Variants in NCOR1 observed in about 807,000 individuals in gnomAD.
NCOR1 encodes nuclear receptor corepressor 1, also known as protein phosphatase 1, regulatory subunit 109.
NCOR1 carries 63 observed loss-of-function variants against 288.1 expected under a neutral mutation model. That is an observed-to-expected ratio of 0.22 (90% CI 0.18 to 0.27). The LOEUF (loss-of-function observed/expected upper bound fraction) is 0.27. Ranked by LOEUF, NCOR1 falls within the 10% of genes least tolerant of loss-of-function variation. The pLI is 1.00. For missense variants in NCOR1, 2,397 were observed against 3,019.2 expected (o/e 0.79, Z 4.83); for synonymous variants, 1,007 against 1,065.9 (o/e 0.94, Z 1.08).
intron 19 of NCOR1, among the ~76,000 whole-genome samples, chr17:16,106,854 C>CATATATATATATATAT (rs1162344281): frequency 1.7e-4 from 8 of 46,154 alleles, no homozygotes; most frequent in East Asian, 7.4e-4. Flanking sequence ...CTTGATCAGA[C>CATATATATATATATAT]ATATATATAT....
intron 31 of NCOR1, 178 bp from the exon 32 acceptor site, chr17:16,068,299 TA>T (rs1235288007): frequency 1.2e-5 from 7 of 605,660 alleles, no homozygotes; most frequent in African/African-American, 9.3e-5. Flanking sequence ...TATGAAAATG[TA>T]AACAACTAGT....
intron 21 of NCOR1, among the ~76,000 whole-genome samples, chr17:16,095,907 T>C (rs1248372277): frequency 2.0e-5 from 3 of 151,950 alleles, no homozygotes; most frequent in East Asian, 1.9e-4. Context: ...GGGGAAAAGA[T>C]TGAGAAATCG....
intron 3 of NCOR1, among the ~76,000 whole-genome samples, chr17:16,176,714 T>G (rs2084272642): frequency 6.6e-6 from 1 of 152,098 alleles, no homozygotes; most frequent in African/African-American, 2.4e-5. Context: ...CTTCACTATT[T>G]TCTGTCACTC....
At chr17:16,212,049 G>A (rs536943152) in intron 1 of NCOR1, among the ~76,000 whole-genome samples, 3 of 152,076 alleles carry the variant, frequency 2.0e-5, no homozygotes, top group Non-Finnish European at 4.4e-5. Flanking sequence ...AGGCCAAGGC[G>A]GGTAGATCAT....
At chr17:16,206,272 A>G (rs2091488629) in intron 1 of NCOR1, among the ~76,000 whole-genome samples, 3 of 151,860 alleles carry the variant, frequency 2.0e-5, no homozygotes, top group Admixed American at 6.6e-5. Context: ...ATGCATATAC[A>G]TATGTACATG....
In NCOR1 at chr17:16,138,151, G is replaced by GTC. The variant is rs753719981; in HGVS notation, c.1407+5_1407+6dup. 1 of 1,609,122 alleles carries GTC rather than the reference G, an allele frequency of 6.2e-7. No individual in the cohort carries two copies. On this transcript the variant is annotated splice_region_variant and intron_variant, in intron 13 of 45. Transcript: ENST00000268712. The stretch of plus-strand genomic sequence containing the variant: ...TACAAACACTCCCAATGCAAACCAT[G>GTC]TCTTACCTTCCTCTCCAAGTATGAT...
chr17:16,174,910 G>A (rs2083812875), intron 3 of NCOR1, among the ~76,000 whole-genome samples: 1 of 151,646 alleles, frequency 6.6e-6, no homozygotes, highest in South Asian at 2.1e-4. Flanking sequence ...TAACAGAAAG[G>A]AAAATATACG....
At chr17:16,178,589 A>G (rs575179329) in intron 3 of NCOR1, among the ~76,000 whole-genome samples, 8 of 152,054 alleles carry the variant, frequency 5.3e-5, no homozygotes, top group African/African-American at 1.9e-4. Context: ...CAATAATGCT[A>G]CTTTAACAAT....
chr17:16,136,598 G>A (rs1972503), intron 14 of NCOR1, among the ~76,000 whole-genome samples: 68,267 of 151,812 alleles, frequency 0.45, 16,337 homozygotes, highest in Middle Eastern at 0.58. Flanking sequence ...TGGAAGTCAG[G>A]AGATTGAGAC....
At chr17:16,116,977 G>GA in intron 18 of NCOR1, among the ~76,000 whole-genome samples, 1 of 152,102 alleles carries the variant, frequency 6.6e-6, no homozygotes, top group East Asian at 1.9e-4. Flanking sequence ...GTCATATACT[G>GA]AAAAAAAGTA....
chr17:16,121,251 C>T lies in NCOR1; in HGVS notation c.1653G>A (p.Lys551=), dbSNP rs556180649. The part of the protein sequence containing the change: ...KEDSKENTKE[K]DKIDGTAEET... ...CTTCTGCTGTACCATCTATCTTGTC[C>T]TTTTCCTTGGTATTTTCTCTGGACA... is the stretch of plus-strand genomic sequence containing the variant. The change falls in exon 16 of 46, where the codon AAG becomes AAA. Residue 551 remains lysine (K), a synonymous_variant. Transcript: ENST00000268712. 1.4e-5 allele frequency: 23 copies of T among 1,613,478 alleles called. No homozygotes were observed. In the East Asian group the frequency reaches 2.7e-4, roughly 19 times the overall value.
Position 16,030,355 on chromosome 17 carries a change from T to G in NCOR1, c.*1941A>C, listed in dbSNP as rs1971813445. On this transcript the variant is annotated 3_prime_UTR_variant, in exon 46 of 46. Coordinates refer to ENST00000268712, the MANE Select transcript of NCOR1 (RefSeq NM_006311.4). ...AGTGGACCCACACAGTTCAAACCCG[T>G]GTTGTTCAAGGGTCAACTGTATTCT... 1 of 218,496 alleles carries G rather than the reference T, an allele frequency of 4.6e-6. No homozygotes were observed. Among genetic ancestry groups the G allele is most frequent in the Admixed American group, 5.8e-5 (1 of 17,232 alleles). The allele number at this position is 218,496 out of a possible 1,614,324, so 13.5% of individuals were successfully genotyped here.
In NCOR1 at chr17:16,146,515, T is replaced by C; in HGVS notation, c.943A>G (p.Met315Val). The C allele has an allele frequency of 2.5e-6, 4 of 1,606,230 alleles. No individual in the cohort carries two copies. Among genetic ancestry groups the C allele is most frequent in the Non-Finnish European group, 3.4e-6 (4 of 1,177,640 alleles). ...QKICQRYDQL[M>V]EAWEKKVDRI... is the part of the protein sequence containing the mutation. ...TCCACTTTTTTCTCCCATGCCTCCA[T>C]GAGCTGATCATAACGCTGGCAGATT... Residue 315 changes from methionine to valine, a missense_variant, in exon 10 of 46, where the codon ATG becomes GTG. Physicochemically the swap from Met to Val is conservative, Grantham distance 21. This residue lies in a region of NCOR1 where 51 missense variants were observed against 127.6 expected (regional missense o/e 0.40). Transcript: ENST00000268712.
intron 1 of NCOR1, among the ~76,000 whole-genome samples, chr17:16,206,781 G>A (rs1024362105): frequency 3.3e-5 from 5 of 152,112 alleles, no homozygotes; most frequent in African/African-American, 1.2e-4. Context: ...TGGAACAGTA[G>A]TATATAAAAG....
At chr17:16,098,593 A>T in intron 20 of NCOR1, 97 bp from the exon 21 acceptor site, 1 of 1,044,878 alleles carries the variant, frequency 9.6e-7, no homozygotes. Flanking sequence ...GTACATACAC[A>T]TGCACACATG....
intron 1 of NCOR1, among the ~76,000 whole-genome samples, chr17:16,214,336 G>A (rs1366193077): frequency 6.6e-6 from 1 of 152,150 alleles, no homozygotes; most frequent in Admixed American, 6.5e-5. Context: ...AAGATATATT[G>A]AACGAATGAA....
intron 6 of NCOR1, among the ~76,000 whole-genome samples, chr17:16,153,827 A>C (rs561034865): frequency 6.6e-6 from 1 of 152,088 alleles, no homozygotes; most frequent in Non-Finnish European, 1.5e-5. Context: ...AATACCATAA[A>C]ATGGCCACTC....
intron 14 of NCOR1, among the ~76,000 whole-genome samples, chr17:16,127,036 T>C (rs2074174014): frequency 6.6e-6 from 1 of 152,042 alleles, no homozygotes; most frequent in South Asian, 2.1e-4. Flanking sequence ...TATAACTCTA[T>C]TTTATTATTT....
chr17:16,040,125 G>A, intron 43 of NCOR1: 1 of 511,142 alleles, frequency 2.0e-6, no homozygotes, highest in Non-Finnish European at 3.8e-6. Context: ...ACTCCTTAAG[G>A]AAATTTGTTT....
Sources: allele counts gnomAD v4.1 joint callset (sites outside exome capture counted in the v4.1 genomes callset), GRCh38; gene constraint gnomAD v4.1.1; regional missense constraint gnomAD v4.1.1; transcripts MANE v1.5; gene names NCBI Gene and HGNC (gene_info 2026-07-23, HGNC 2026-07-21).